CNDP2: variants seen among roughly 807,000 people sequenced by gnomAD.
CNDP2 encodes the protein carnosine dipeptidase 2, also known as cytosolic non-specific dipeptidase.
Under a neutral mutation model 55.0 loss-of-function variants are expected in CNDP2, and 38 were observed. The ratio of observed to expected loss-of-function variants is 0.69; its 90% CI spans 0.53 to 0.90. CNDP2 has a LOEUF of 0.90. Ranked by LOEUF, CNDP2 falls within the 40% of genes least tolerant of loss-of-function variation. The pLI is 0.00. For synonymous variants in CNDP2, 241 were observed against 260.2 expected (o/e 0.93, Z 0.71); for missense variants, 607 against 621.7 (o/e 0.98, Z 0.25).
intron 3 of CNDP2, chr18:74,504,890 T>C (rs950091733): frequency 6.6e-6 from 1 of 152,158 alleles, no homozygotes; most frequent in African/African-American, 2.4e-5. Context: ...TAGTCTAAAG[T>C]AAAAGGTGGA....
Position 74,513,655 on chromosome 18 carries a change from T to A in CNDP2, c.839T>A (p.Ile280Asn). ...TEEEHKLYDDIDFDIEEFAKD... is the reference protein window; with the variant it reads ...TEEEHKLYDDNDFDIEEFAKD... The stretch of plus-strand genomic sequence containing the variant: ...GAGGAGCACAAGCTGTACGACGACA[T>A]CGACTTTGACATAGAGGAGTTTGCC... Residue 280 changes from isoleucine to asparagine, a missense_variant, in exon 8 of 12, where the codon ATC becomes AAC. Physicochemically the swap from Ile to Asn is moderately radical, Grantham distance 149 (BLOSUM62 -3). Coordinates refer to ENST00000324262, the MANE Select transcript of CNDP2 (RefSeq NM_018235.3). The A allele has an allele frequency of 6.2e-7, 1 of 1,614,056 alleles. No homozygotes were observed.
intron 7 of CNDP2, among the ~76,000 whole-genome samples, chr18:74,513,089 C>T (rs1022343249): frequency 5.9e-5 from 9 of 152,222 alleles, no homozygotes; most frequent in African/African-American, 2.2e-4. Flanking sequence ...GTTATACCCA[C>T]AGTTTACCCC....
intron 1 of CNDP2, among the ~76,000 whole-genome samples, chr18:74,499,004 A>T (rs908757376): frequency 6.6e-6 from 1 of 152,178 alleles, no homozygotes; most frequent in Non-Finnish European, 1.5e-5. Flanking sequence ...TCTGTTGAGA[A>T]ATCACTTTGA....
chr18:74,508,774 C>T, intron 4 of CNDP2, 66 bp from the exon 5 acceptor site: 1 of 1,354,306 alleles, frequency 7.4e-7, no homozygotes, highest in South Asian at 1.2e-5. Flanking sequence ...AGATGTGCAC[C>T]TGAGACACGC....
chr18:74,506,025 G>T lies in CNDP2; in HGVS notation c.367+14G>T. ...TGGAGCGAGACGGTGAGCGCCGCGCGCCTATGCGTGCCCAGAGGAAAGGCA... is the reference window on the plus strand; with the variant it reads ...TGGAGCGAGACGGTGAGCGCCGCGCTCCTATGCGTGCCCAGAGGAAAGGCA... On this transcript the variant is annotated intron_variant, in intron 4 of 11. Coordinates refer to ENST00000324262, the MANE Select transcript of CNDP2 (RefSeq NM_018235.3). The T allele has an allele frequency of 1.3e-6, 2 of 1,548,966 alleles. No individual in the cohort carries two copies. The highest frequency in any genetic ancestry group is 2.2e-5 in the Admixed American group (1 of 44,708).
intron 4 of CNDP2, chr18:74,508,352 A>C (rs1979150281): frequency 6.4e-6 from 1 of 155,424 alleles, no homozygotes; most frequent in South Asian, 1.9e-4. Context: ...CAGAGGTTAA[A>C]TGATAAACAT....
intron 10 of CNDP2, 47 bp from the exon 11 acceptor site, chr18:74,518,902 C>T (rs1418479155): frequency 6.2e-7 from 1 of 1,610,196 alleles, no homozygotes; most frequent in East Asian, 2.2e-5. Flanking sequence ...GATCCCCAGC[C>T]TTAGGGCCCC....
chr18:74,512,357 C>G (rs1164479194), intron 6 of CNDP2, 91 bp from the exon 7 acceptor site: 1 of 1,191,364 alleles, frequency 8.4e-7, no homozygotes, highest in Admixed American at 2.3e-5. Context: ...ATTGTCAGGC[C>G]TTGTAAATGC....
At position 74,508,833 on chromosome 18, in the gene CNDP2, G is replaced by A; in HGVS notation, c.368-7G>A. 3.1e-6 allele frequency: 5 copies of A among 1,613,462 alleles called. No homozygotes were observed. Among genetic ancestry groups the A allele is most frequent in the Non-Finnish European group, 4.2e-6 (5 of 1,179,382 alleles). On this transcript the variant is annotated splice_region_variant and splice_polypyrimidine_tract_variant and intron_variant, in intron 4 of 11. Coordinates refer to ENST00000324262, the MANE Select transcript of CNDP2 (RefSeq NM_018235.3). ...TCACTTTATGAATTTGTGGATTGCT[G>A]TTCTAGGCAAGCTGTATGGGAGAGG... is the stretch of plus-strand genomic sequence containing the variant.
chr18:74,510,319 C>T (rs973352383), intron 5 of CNDP2, among the ~76,000 whole-genome samples: 7 of 152,188 alleles, frequency 4.6e-5, no homozygotes, highest in Non-Finnish European at 8.8e-5. Flanking sequence ...CATTTTTCAC[C>T]TTTGGGTGTG....
At chr18:74,508,717 A>T (rs1249497875) in intron 4 of CNDP2, 123 bp from the exon 5 acceptor site, 1 of 717,276 alleles carries the variant, frequency 1.4e-6, no homozygotes, top group Non-Finnish European at 2.4e-6. Flanking sequence ...GGGGCTCCTG[A>T]TCGGAAGGGG....
chr18:74,518,187 G>A (rs527833489), intron 9 of CNDP2: 11 of 185,650 alleles, frequency 5.9e-5, no homozygotes, highest in South Asian at 3.1e-4. Context: ...GCGTGAACCC[G>A]GGAGGCGGAG....
chr18:74,506,375 T>TC (rs1216781761), intron 4 of CNDP2, among the ~76,000 whole-genome samples: 4 of 151,770 alleles, frequency 2.6e-5, no homozygotes, highest in Admixed American at 6.6e-5. Flanking sequence ...CCTCAAGTGA[T>TC]CCCCCCCACC....
At chr18:74,501,035 G>A (rs1291744579) in intron 2 of CNDP2, 5 of 441,278 alleles carry the variant, frequency 1.1e-5, no homozygotes, top group Non-Finnish European at 1.6e-5. Context: ...TCCGGTTTTG[G>A]GCCTGGCGCC....
In CNDP2 at chr18:74,521,645, A is replaced by G. The variant is rs539734249; in HGVS notation, c.*1577A>G. 2.0e-5 allele frequency: 3 copies of G among 152,352 alleles called. No homozygotes were observed. The highest frequency in any genetic ancestry group is 7.2e-5 in the African/African-American group (3 of 41,574). 9.4% of individuals were successfully genotyped at this position (152,352 alleles called of 1,614,324 possible). On this transcript the variant is annotated 3_prime_UTR_variant, in exon 12 of 12. Coordinates refer to ENST00000324262, the MANE Select transcript of CNDP2 (RefSeq NM_018235.3). ...GTGTTGGATTTTTACCATGGAATAA[A>G]CAACAATCCATGAGTCCATACTAAT...
chr18:74,502,278 G>C (rs1978747569), intron 3 of CNDP2, among the ~76,000 whole-genome samples: 2 of 152,188 alleles, frequency 1.3e-5, no homozygotes, highest in Non-Finnish European at 2.9e-5. Flanking sequence ...GTCTCACTTT[G>C]TGGTACAGTA....
At chr18:74,511,433 G>A (rs1019782076) in intron 6 of CNDP2, among the ~76,000 whole-genome samples, 1 of 152,088 alleles carries the variant, frequency 6.6e-6, no homozygotes, top group African/African-American at 2.4e-5. Context: ...GAGGCCGGGT[G>A]CAGTGGCTCA....
At chr18:74,503,992 G>C (rs112657888) in intron 3 of CNDP2, among the ~76,000 whole-genome samples, 1 of 146,438 alleles carries the variant, frequency 6.8e-6, no homozygotes, top group Admixed American at 6.9e-5. Context: ...GGACAAATGA[G>C]GGGCGTCAGG....
chr18:74,514,148 A>C (rs1979511140), intron 8 of CNDP2, among the ~76,000 whole-genome samples: 1 of 152,242 alleles, frequency 6.6e-6, no homozygotes, highest in African/African-American at 2.4e-5. Context: ...TATGCGGTAC[A>C]TATGTAAGTT....
Sources: gnomAD v4.1 joint callset for allele counts (sites outside exome capture counted in the v4.1 genomes callset) on GRCh38, gnomAD v4.1.1 for gene constraint, MANE v1.5 for transcripts, NCBI Gene and HGNC (gene_info 2026-07-23, HGNC 2026-07-21) for gene names.